The following PPP2R5D variants were observed in gnomAD, a reference collection of about 807,000 sequenced individuals.
PPP2R5D encodes the protein protein phosphatase 2 regulatory subunit B'delta.
In PPP2R5D, 12 loss-of-function variants were observed where a neutral mutation model predicts 79.1. The observed-to-expected ratio is 0.15, with a 90% CI of 0.10 to 0.25. The LOEUF is 0.25. Ranked by LOEUF, PPP2R5D falls within the 10% of genes least tolerant of loss-of-function variation. The pLI is 1.00. For synonymous variants in PPP2R5D, 277 were observed against 286.6 expected (o/e 0.97, Z 0.34); for missense variants, 419 against 760.2 (o/e 0.55, Z 5.28).
intron 2 of PPP2R5D, among the ~76,000 whole-genome samples, chr6:42,990,188 T>C (rs1177768577): frequency 1.3e-5 from 2 of 152,022 alleles, no homozygotes; most frequent in African/African-American, 4.8e-5. Context: ...CTTAGCAATC[T>C]CGGGTTATAA....
In PPP2R5D at chr6:43,009,967, G is replaced by A. The variant is rs1762270444; in HGVS notation, c.1380-501G>A. Reference sequence around the variant, plus strand: ...GCCTGTAGTCCCAGCTACTTGGGAGGCTGAGGCAGGAGAATCACTTGAACC... The same window carrying A: ...GCCTGTAGTCCCAGCTACTTGGGAGACTGAGGCAGGAGAATCACTTGAACC... On this transcript the variant is annotated intron_variant, in intron 12 of 15. Transcript: ENST00000485511. The surrounding 1 kb of genome is among the most constrained non-coding windows in gnomAD (Gnocchi z 5.6). Among the ~76,000 whole-genome samples, 1 of 152,176 alleles carries A rather than the reference G, an allele frequency of 6.6e-6. No homozygotes were observed. Among genetic ancestry groups the A allele is most frequent in the African/African-American group, 2.4e-5 (1 of 41,432 alleles).
chr6:42,989,907 C>T (rs1771138326), intron 2 of PPP2R5D, among the ~76,000 whole-genome samples: 1 of 152,208 alleles, frequency 6.6e-6, no homozygotes, highest in South Asian at 2.1e-4. Flanking sequence ...CCCAGAGATT[C>T]CTATGAAAGT....
chr6:43,010,555 G>A lies in PPP2R5D; in HGVS notation c.1467G>A (p.Lys489=). ...KLFDDCTQQY[K]AEKQKGRFRM... ...TTGATGACTGCACACAACAATACAA[G>A]GCAGAGAAGCAGAAGTGAGTATCTC... The change falls in exon 13 of 16, where the codon AAG becomes AAA. Residue 489 remains lysine (K), a synonymous_variant. Coordinates refer to ENST00000485511, the MANE Select transcript of PPP2R5D (RefSeq NM_006245.4). The surrounding 1 kb of genome is among the most constrained non-coding windows in gnomAD (Gnocchi z 4.7). 1.9e-6 allele frequency: 3 copies of A among 1,614,024 alleles called. No individual in the cohort carries two copies. The highest frequency in any genetic ancestry group is 2.5e-6 in the Non-Finnish European group (3 of 1,179,978).
chr6:42,991,290 C>T (rs1771247957), intron 2 of PPP2R5D, among the ~76,000 whole-genome samples: 1 of 152,124 alleles, frequency 6.6e-6, no homozygotes, highest in Non-Finnish European at 1.5e-5. Flanking sequence ...ACATTTAGAG[C>T]AGCAAGAAAC....
At chr6:43,003,244 G>A (rs545563921) in intron 2 of PPP2R5D, among the ~76,000 whole-genome samples, 1 of 152,138 alleles carries the variant, frequency 6.6e-6, no homozygotes, top group African/African-American at 2.4e-5. Flanking sequence ...CCAACGTGGA[G>A]AAACCCCATC....
chr6:43,011,140 C>G lies in PPP2R5D; in HGVS notation c.1672-9C>G. The G allele has an allele frequency of 6.2e-7, 1 of 1,614,110 alleles. No homozygotes were observed. The highest frequency in any genetic ancestry group is 8.5e-7 in the Non-Finnish European group (1 of 1,179,980). On this transcript the variant is annotated splice_polypyrimidine_tract_variant and intron_variant, in intron 15 of 15. Coordinates refer to ENST00000485511, the MANE Select transcript of PPP2R5D (RefSeq NM_006245.4). The stretch of plus-strand genomic sequence containing the variant: ...CACCATTCCTCACCTTGTCCCTATT[C>G]ACACACAGATGCTAAAAGACATCAA...
In PPP2R5D at chr6:43,009,103, A is replaced by G; in HGVS notation, c.1127A>G (p.Lys376Arg). ...LKFWPKTHSP[K>R]EVMFLNELEE... ...TTTTGGCCCAAGACCCACAGCCCCAAGGAGGTGATGTTCTTGAATGAGCTG... is the reference window on the plus strand; with the variant it reads ...TTTTGGCCCAAGACCCACAGCCCCAGGGAGGTGATGTTCTTGAATGAGCTG... The change falls in exon 11 of 16, where the codon AAG (lysine) becomes AGG (arginine). Residue 376 changes from lysine (K) to arginine (R), a missense_variant. Lys to Arg is a conservative substitution (Grantham distance 26, BLOSUM62 2). Coordinates refer to ENST00000485511, the MANE Select transcript of PPP2R5D (RefSeq NM_006245.4). The surrounding 1 kb of genome is among the most constrained non-coding windows in gnomAD (Gnocchi z 5.6). The G allele has an allele frequency of 3.1e-6, 5 of 1,614,080 alleles. No homozygotes were observed. The highest frequency in any genetic ancestry group is 4.2e-6 in the Non-Finnish European group (5 of 1,179,992).
rs529925302 is a variant in PPP2R5D, at chr6:42,995,023, T to C, written c.105+5335T>C. On this transcript the variant is annotated intron_variant, in intron 2 of 15. Transcript: ENST00000485511. ...TTTTGGCATCTCACTGCTTACAAGT[T>C]AAAATCCAAACTCACTAGCATGGCA... Among the ~76,000 whole-genome samples, 14 of 152,008 alleles carry C rather than the reference T, an allele frequency of 9.2e-5. No homozygotes were observed. The South Asian group carries it at 2.9e-3, about 32-fold the overall frequency.
intron 2 of PPP2R5D, among the ~76,000 whole-genome samples, chr6:43,004,165 G>A (rs1448867478): frequency 1.3e-5 from 2 of 152,168 alleles, no homozygotes; most frequent in Admixed American, 1.3e-4. Flanking sequence ...TGGGACTACA[G>A]GCACCCACCA....
chr6:42,993,654 C>T (rs921831629), intron 2 of PPP2R5D, among the ~76,000 whole-genome samples: 2 of 152,216 alleles, frequency 1.3e-5, no homozygotes, highest in African/African-American at 2.4e-5. Context: ...AGATGCATCA[C>T]TTTAATCTCT....
chr6:42,997,312 C>T (rs1371647049), intron 2 of PPP2R5D, among the ~76,000 whole-genome samples: 1 of 151,810 alleles, frequency 6.6e-6, no homozygotes, highest in Non-Finnish European at 1.5e-5. Flanking sequence ...CCTCCCTCAG[C>T]CTCCTGAGTA....
chr6:42,990,157 C>T (rs1249581573), intron 2 of PPP2R5D, among the ~76,000 whole-genome samples: 1 of 152,126 alleles, frequency 6.6e-6, no homozygotes, highest in Non-Finnish European at 1.5e-5. Flanking sequence ...AAAAGACAGT[C>T]CTGAGCAGAG....
chr6:43,005,705 T>TC (rs559410112), intron 2 of PPP2R5D, among the ~76,000 whole-genome samples: 33 of 151,684 alleles, frequency 2.2e-4, no homozygotes, highest in African/African-American at 7.7e-4. Flanking sequence ...CACTGCAACC[T>TC]CCGCCTCCTG....
intron 2 of PPP2R5D, among the ~76,000 whole-genome samples, chr6:42,999,276 C>G (rs1478480170): frequency 6.6e-6 from 1 of 152,196 alleles, no homozygotes; most frequent in Non-Finnish European, 1.5e-5. Context: ...CCACCTCCCT[C>G]TGACATGCAT....
rs1440793919 is a variant in PPP2R5D, at chr6:43,007,907, G to A, written c.727-28G>A. 2 of 1,611,914 alleles carry A rather than the reference G, an allele frequency of 1.2e-6. No homozygotes were observed. Among genetic ancestry groups the A allele is most frequent in the East Asian group, 2.2e-5 (1 of 44,836 alleles). ...TGCCTTCCCTGGCTGCTGCCTCACTGGCTGCTTTCCCTCCCTTGTACCCCC... is the reference window on the plus strand; with the variant it reads ...TGCCTTCCCTGGCTGCTGCCTCACTAGCTGCTTTCCCTCCCTTGTACCCCC... On this transcript the variant is annotated intron_variant, in intron 6 of 15. Coordinates refer to ENST00000485511, the MANE Select transcript of PPP2R5D (RefSeq NM_006245.4). This position sits in a 1 kb window ranked among gnomAD's most constrained non-coding sequence, Gnocchi z 4.5.
rs373458153 is a variant in PPP2R5D at position 42,989,648 on chromosome 6, G to A, written c.65G>A (p.Ser22Asn). ...GTTGCCAAATGCACAGCCAAGCCTAGCAGCTCGGGCAAGGATGGTGGAGGC... is the reference window on the plus strand; with the variant it reads ...GTTGCCAAATGCACAGCCAAGCCTAACAGCTCGGGCAAGGATGGTGGAGGC... The part of the protein sequence containing the change: ...PKVAKCTAKP[S>N]SSGKDGGGEN... The change falls in exon 2 of 16, where the codon AGC becomes AAC. Residue 22 changes from serine to asparagine, a missense_variant. Transcript: ENST00000485511. The A allele has an allele frequency of 5.6e-6, 9 of 1,614,022 alleles. No homozygotes were observed. The highest frequency in any genetic ancestry group is 7.6e-6 in the Non-Finnish European group (9 of 1,179,930).
chr6:43,009,140 G>A lies in PPP2R5D; in HGVS notation c.1164G>A (p.Leu388=). Residue 388 remains leucine (L), a synonymous_variant, in exon 11 of 16, where the codon CTG becomes CTA. Coordinates refer to ENST00000485511, the MANE Select transcript of PPP2R5D (RefSeq NM_006245.4). The surrounding 1 kb of genome is among the most constrained non-coding windows in gnomAD (Gnocchi z 5.6). The part of the protein sequence containing the change: ...VMFLNELEEI[L]DVIEPSEFSK... Reference sequence around the variant, plus strand: ...TCTTGAATGAGCTGGAGGAGATTCTGGACGTCATTGAACCTTCTGAGTTCA... The same window carrying A: ...TCTTGAATGAGCTGGAGGAGATTCTAGACGTCATTGAACCTTCTGAGTTCA... 1 of 1,614,126 alleles carries A rather than the reference G, an allele frequency of 6.2e-7. No individual in the cohort carries two copies.
chr6:43,008,649 C>G lies in PPP2R5D; in HGVS notation c.1027-44C>G. 1 of 1,595,848 alleles carries G rather than the reference C, an allele frequency of 6.3e-7. No homozygotes were observed. Among genetic ancestry groups the G allele is most frequent in the South Asian group, 1.1e-5 (1 of 90,648 alleles). On this transcript the variant is annotated intron_variant, in intron 9 of 15. Coordinates refer to ENST00000485511, the MANE Select transcript of PPP2R5D (RefSeq NM_006245.4). This position sits in a 1 kb window ranked among gnomAD's most constrained non-coding sequence, Gnocchi z 4.2. ...CTATCACTGACTTCTCTGAGAGCTT[C>G]TAGGACCTACACCTCACCTCCCTTC...
rs1762072804 is a variant in PPP2R5D at position 43,006,310 on chromosome 6, A to G, written c.106-153A>G. The G allele has an allele frequency of 2.2e-6, 3 of 1,355,908 alleles. No homozygotes were observed. The highest frequency in any genetic ancestry group is 3.1e-5 in the South Asian group (2 of 64,368). The allele number at this position is 1,355,908 out of a possible 1,614,324, so 84.0% of individuals were successfully genotyped here. ...TCCCTGCCAGGGCTACAGCACAGTT[A>G]TCTCTGTAACCCTGGCCTTAGCTCC... On this transcript the variant is annotated intron_variant, in intron 2 of 15. Coordinates refer to ENST00000485511, the MANE Select transcript of PPP2R5D (RefSeq NM_006245.4). This position sits in a 1 kb window ranked among gnomAD's most constrained non-coding sequence, Gnocchi z 4.7.
Sources: gnomAD v4.1 joint callset for allele counts (sites outside exome capture counted in the v4.1 genomes callset) on GRCh38, gnomAD v4.1.1 for gene constraint, Gnocchi (gnomAD v3.1) non-coding constraint, MANE v1.5 for transcripts, NCBI Gene and HGNC (gene_info 2026-07-23, HGNC 2026-07-21) for gene names.